FMN1: variants seen among roughly 807,000 people sequenced by gnomAD.
The protein encoded by FMN1 is formin-1.
In FMN1, 110 loss-of-function variants were observed where a neutral mutation model predicts 132.4. The observed-to-expected ratio is 0.83, with a 90% CI of 0.71 to 0.97. The LOEUF (loss-of-function observed/expected upper bound fraction) is 0.97, where lower values mean the gene tolerates loss of function less well. FMN1 is among the 50% of genes least tolerant of loss of function. FMN1 has a pLI of 0.00. For missense variants in FMN1, 1,792 were observed against 1,705.3 expected, an observed-to-expected ratio of 1.05 and a Z score of -0.90; for synonymous variants, 722 against 651.7, an observed-to-expected ratio of 1.11 and a Z score of -1.64.
intron 9 of FMN1, among the ~76,000 whole-genome samples, chr15:32,929,981 A>AT (rs377263342): frequency 0.093 from 8,556 of 91,948 alleles, 1,132 homozygotes; most frequent in South Asian, 0.12. Flanking sequence ...CTATTTTTAA[A>AT]TTTTTTTTTT....
At chr15:33,142,119 T>C (rs879405793) in intron 4 of FMN1, among the ~76,000 whole-genome samples, 1 of 152,200 alleles carries the variant, frequency 6.6e-6, no homozygotes, top group Admixed American at 6.5e-5. Flanking sequence ...TACCTATAAC[T>C]ATACCAACAA....
intron 6 of FMN1, among the ~76,000 whole-genome samples, chr15:33,022,196 G>C (rs1454365338): frequency 1.3e-5 from 2 of 152,146 alleles, no homozygotes; most frequent in Non-Finnish European, 2.9e-5. Flanking sequence ...TTATTTGTAT[G>C]ATGTTTTGGT....
chr15:32,832,851 A>G (rs939975206), intron 17 of FMN1, among the ~76,000 whole-genome samples: 1 of 152,094 alleles, frequency 6.6e-6, no homozygotes, highest in Non-Finnish European at 1.5e-5. Flanking sequence ...TGAAGCTTCT[A>G]TTTCAACTCT....
At chr15:32,784,833 T>C (rs1402483497) in intron 19 of FMN1, among the ~76,000 whole-genome samples, 1 of 152,224 alleles carries the variant, frequency 6.6e-6, no homozygotes, top group Non-Finnish European at 1.5e-5. Flanking sequence ...TGATTCATTT[T>C]ATTTATGGTC....
intron 18 of FMN1, among the ~76,000 whole-genome samples, chr15:32,800,976 A>G (rs1192668458): frequency 2.6e-5 from 4 of 152,200 alleles, no homozygotes; most frequent in Non-Finnish European, 5.9e-5. Context: ...GGGGAAGGGA[A>G]AGTCTTTCAT....
At chr15:33,021,078 C>T (rs748992736) in intron 6 of FMN1, among the ~76,000 whole-genome samples, 17 of 152,120 alleles carry the variant, frequency 1.1e-4, no homozygotes, top group East Asian at 1.9e-4. Flanking sequence ...GACTTGCCTC[C>T]GGTACTCCTG....
intron 17 of FMN1, among the ~76,000 whole-genome samples, chr15:32,815,920 AGTT>A (rs1264037740): frequency 6.6e-6 from 1 of 152,342 alleles, no homozygotes; most frequent in African/African-American, 2.4e-5. Context: ...ACACTGGGTC[AGTT>A]GTTTAATGTG....
chr15:33,034,674 GAT>G (rs2036106502), intron 6 of FMN1, among the ~76,000 whole-genome samples: 1 of 32,630 alleles, frequency 3.1e-5, no homozygotes, highest in Non-Finnish European at 1.0e-4. Flanking sequence ...TCCAGAATCT[GAT>G]TTTTTTTTTA....
chr15:32,980,311 A>C (rs955148198), intron 7 of FMN1, among the ~76,000 whole-genome samples: 1 of 152,070 alleles, frequency 6.6e-6, no homozygotes. Context: ...CAGTTTGAAA[A>C]AAAAAAAAAC....
chr15:32,951,378 C>T (rs1486722340), intron 9 of FMN1, among the ~76,000 whole-genome samples: 2 of 151,972 alleles, frequency 1.3e-5, no homozygotes, highest in Admixed American at 1.3e-4. Context: ...CTCTGAGAAT[C>T]TGGCTAAAAT....
At chr15:33,161,641 G>A (rs2140301254) in intron 3 of FMN1, among the ~76,000 whole-genome samples, 1 of 152,304 alleles carries the variant, frequency 6.6e-6, no homozygotes, top group South Asian at 2.1e-4. Context: ...AAGGAAGGCT[G>A]GGCGCAGTGG....
intron 4 of FMN1, among the ~76,000 whole-genome samples, chr15:33,137,644 A>C (rs1963829513): frequency 6.6e-6 from 1 of 152,178 alleles, no homozygotes; most frequent in African/African-American, 2.4e-5. Context: ...ACCACCGGAC[A>C]ATGTATTTCC....
At chr15:32,981,397 A>AGTCCC (rs1375089232) in intron 7 of FMN1, among the ~76,000 whole-genome samples, 6 of 151,678 alleles carry the variant, frequency 4.0e-5, no homozygotes, top group Non-Finnish European at 8.8e-5. Flanking sequence ...AGGCACTTGT[A>AGTCCC]GTCCCAGCTA....
chr15:32,892,064 T>G (rs529651087), intron 15 of FMN1, among the ~76,000 whole-genome samples: 1 of 152,200 alleles, frequency 6.6e-6, no homozygotes, highest in African/African-American at 2.4e-5. Context: ...TCTTGTCTGA[T>G]TGCTCTGGCT....
intron 9 of FMN1, among the ~76,000 whole-genome samples, chr15:32,945,315 C>T (rs2061485912): frequency 6.6e-6 from 1 of 152,152 alleles, no homozygotes; most frequent in Non-Finnish European, 1.5e-5. Context: ...GAGTCCTTTA[C>T]TAAAGCTATT....
intron 15 of FMN1, 72 bp downstream of exon 15, chr15:32,898,762 A>G: frequency 7.1e-6 from 7 of 981,528 alleles, no homozygotes; most frequent in Non-Finnish European, 1.1e-5. Flanking sequence ...TCATCCATCT[A>G]TCCATCATCC....
At chr15:32,872,410 A>G (rs775884480) in intron 16 of FMN1, among the ~76,000 whole-genome samples, 4 of 152,248 alleles carry the variant, frequency 2.6e-5, no homozygotes, top group African/African-American at 4.8e-5. Flanking sequence ...TGTTAGCTAG[A>G]ACGCCTCACT....
chr15:32,776,782 C>A, intron 20 of FMN1, 53 bp downstream of exon 20: 1 of 1,087,762 alleles, frequency 9.2e-7, no homozygotes, highest in Admixed American at 2.0e-5. Flanking sequence ...CCTTCCTGGG[C>A]GCACCTCAAT....
At position 32,969,231 on chromosome 15, in the gene FMN1, T is replaced by G; in HGVS notation, c.2470A>C (p.Arg824=). 6.2e-7 allele frequency: 1 copy of G among 1,613,956 alleles called. No individual in the cohort carries two copies. The highest frequency in any genetic ancestry group is 8.5e-7 in the Non-Finnish European group (1 of 1,179,882). Residue 824 remains arginine, a synonymous_variant, in exon 8 of 21, where the codon AGA becomes CGA. Coordinates refer to ENST00000616417, the MANE Select transcript of FMN1 (RefSeq NM_001277313.2). ...KPCESESKTT[R]SNQLVPKKLN... ...TTTTTGGGTACTAATTGATTACTTCTGGTTGTCTTGCTTTCACTTTCACAG... is the reference window on the plus strand; with the variant it reads ...TTTTTGGGTACTAATTGATTACTTCGGGTTGTCTTGCTTTCACTTTCACAG...
Sources: gnomAD v4.1 joint callset for allele counts (sites outside exome capture counted in the v4.1 genomes callset) on GRCh38, gnomAD v4.1.1 for gene constraint, MANE v1.5 for transcripts, NCBI Gene and HGNC (gene_info 2026-07-23, HGNC 2026-07-21) for gene names.